SMYD3: variants seen among roughly 807,000 people sequenced by gnomAD.
SMYD3 encodes histone-lysine N-methyltransferase SMYD3.
SMYD3 carries 36 observed loss-of-function variants against 57.7 expected under a neutral mutation model. The ratio of observed to expected loss-of-function variants is 0.62; its 90% CI spans 0.48 to 0.82. The LOEUF (loss-of-function observed/expected upper bound fraction) is 0.82, where lower values mean the gene tolerates loss of function less well. Ranked by LOEUF, SMYD3 falls within the 40% of genes least tolerant of loss-of-function variation. SMYD3 has a pLI of 0.00. For synonymous variants in SMYD3, 211 were observed against 195.0 expected, an observed-to-expected ratio of 1.08 and a Z score of -0.68; for missense variants, 515 against 538.8, an observed-to-expected ratio of 0.96 and a Z score of 0.44.
At chr1:246,065,931 C>CCA (rs1240818729) in intron 5 of SMYD3, among the ~76,000 whole-genome samples, 3 of 152,164 alleles carry the variant, frequency 2.0e-5, no homozygotes, top group Non-Finnish European at 4.4e-5. Flanking sequence ...CTTCTTTAAT[C>CCA]CAAATTTTCA....
chr1:245,873,431 G>A (rs1269039555), intron 8 of SMYD3, among the ~76,000 whole-genome samples: 2 of 152,152 alleles, frequency 1.3e-5, no homozygotes, highest in African/African-American at 2.4e-5. Context: ...GCTACCAGGT[G>A]GGAGGTTTGA....
At chr1:246,098,223 CA>C (rs796259183) in intron 5 of SMYD3, among the ~76,000 whole-genome samples, 4 of 152,138 alleles carry the variant, frequency 2.6e-5, no homozygotes, top group Non-Finnish European at 4.4e-5. Flanking sequence ...GAATTAGCTC[CA>C]AAACTACTAA....
rs1433131832 is a variant in SMYD3 at position 246,427,507 on chromosome 1, G to A, written c.165-72413C>T. On this transcript the variant is annotated intron_variant, in intron 1 of 11. Transcript: ENST00000490107. ...TGCACTCCAGCCTGGGCGACAGAGC[G>A]AGACTCCGTCTCAAAAAAAAAAAAA... Among the ~76,000 whole-genome samples the A allele has an allele frequency of 4.5e-4, 59 of 130,812 alleles. 1 individual carries two copies. The highest frequency in any genetic ancestry group is 1.5e-3 in the African/African-American group (53 of 35,640). The allele number at this position is 130,812 out of a possible 152,430, so 85.8% of individuals were successfully genotyped here.
At chr1:245,978,948 CTGAGG>C (rs1558553577) in intron 5 of SMYD3, among the ~76,000 whole-genome samples, 1 of 152,002 alleles carries the variant, frequency 6.6e-6, no homozygotes, top group Non-Finnish European at 1.5e-5. Flanking sequence ...ACAGCCTAAT[CTGAGG>C]TATCTGTCCA....
intron 5 of SMYD3, among the ~76,000 whole-genome samples, chr1:246,155,277 T>A (rs2062005546): frequency 6.6e-6 from 1 of 152,184 alleles, no homozygotes; most frequent in African/African-American, 2.4e-5. Context: ...GAAAAAAATA[T>A]TGCTTAATCT....
chr1:246,447,304 C>T (rs531729310), intron 1 of SMYD3, among the ~76,000 whole-genome samples: 2 of 152,204 alleles, frequency 1.3e-5, no homozygotes, highest in South Asian at 2.1e-4. Flanking sequence ...CAATAACTTT[C>T]GGAACACTGT....
intron 5 of SMYD3, among the ~76,000 whole-genome samples, chr1:246,270,181 T>C (rs4654229): frequency 0.38 from 57,704 of 151,946 alleles, 11,567 homozygotes; most frequent in East Asian, 0.72. Context: ...AAACTATATA[T>C]AACATATTAT....
At chr1:246,109,376 C>T (rs1020811989) in intron 5 of SMYD3, among the ~76,000 whole-genome samples, 1 of 152,192 alleles carries the variant, frequency 6.6e-6, no homozygotes, top group African/African-American at 2.4e-5. Flanking sequence ...AGCCCTACAG[C>T]AGTCACTTCG....
In SMYD3 at chr1:246,360,373, T is replaced by C. The variant is rs146612296; in HGVS notation, c.165-5279A>G. The stretch of plus-strand genomic sequence containing the variant: ...AGAATCAATATTGTGAAAATGGCCA[T>C]ATTGCCAAAAGCAATCTACAAATTC... On this transcript the variant is annotated intron_variant, in intron 1 of 11. Transcript: ENST00000490107. 4.2e-3 allele frequency among the ~76,000 whole-genome samples: 639 copies of C among 152,122 alleles called. 2 individuals carry two copies. Among genetic ancestry groups the C allele is most frequent in the African/African-American group, 0.014 (564 of 41,484 alleles).
intron 5 of SMYD3, among the ~76,000 whole-genome samples, chr1:246,185,061 G>C (rs898287377): frequency 6.6e-6 from 1 of 152,032 alleles, no homozygotes; most frequent in African/African-American, 2.4e-5. Context: ...ACTTAATAAT[G>C]GTTTTAAAAA....
chr1:246,448,252 C>T (rs1572510488), intron 1 of SMYD3, among the ~76,000 whole-genome samples: 2 of 152,180 alleles, frequency 1.3e-5, no homozygotes, highest in Admixed American at 1.3e-4. Context: ...TACATGATCA[C>T]AATACATGAT....
intron 10 of SMYD3, among the ~76,000 whole-genome samples, chr1:245,847,842 T>C (rs2050743444): frequency 6.6e-6 from 1 of 152,204 alleles, no homozygotes; most frequent in Admixed American, 6.5e-5. Context: ...ATGGAAAATG[T>C]CTTATTCTGG....
intron 5 of SMYD3, among the ~76,000 whole-genome samples, chr1:246,255,319 TATA>T (rs926806252): frequency 2.0e-5 from 3 of 149,998 alleles, no homozygotes; most frequent in Non-Finnish European, 3.0e-5. Context: ...TGGATCTTAT[TATA>T]ATAATAATTA....
chr1:246,492,738 T>C (rs932434263), intron 1 of SMYD3, among the ~76,000 whole-genome samples: 54 of 152,206 alleles, frequency 3.5e-4, no homozygotes, highest in African/African-American at 1.3e-3. Context: ...CCACTACAAA[T>C]AGATGTTAAC....
At chr1:245,988,403 T>C (rs760658341) in intron 5 of SMYD3, 1 of 152,206 alleles carries the variant, frequency 6.6e-6, no homozygotes, top group East Asian at 1.9e-4. Flanking sequence ...CCTCAAAGAA[T>C]TGTTAAGAAT....
chr1:246,457,560 A>C (rs1446306646), intron 1 of SMYD3, among the ~76,000 whole-genome samples: 1 of 148,064 alleles, frequency 6.8e-6, no homozygotes, highest in Admixed American at 6.8e-5. Flanking sequence ...AAAAGAAAAG[A>C]AAAGAAAAGA....
chr1:246,231,409 A>C (rs2063407210), intron 5 of SMYD3, among the ~76,000 whole-genome samples: 1 of 152,204 alleles, frequency 6.6e-6, no homozygotes, highest in Non-Finnish European at 1.5e-5. Flanking sequence ...TATATGGAAG[A>C]GTATAATACA....
intron 5 of SMYD3, among the ~76,000 whole-genome samples, chr1:246,279,760 G>A (rs1346499280): frequency 6.6e-6 from 1 of 152,138 alleles, no homozygotes. Flanking sequence ...GAATTGCTCT[G>A]CCAGGGACAG....
chr1:246,448,454 C>A (rs2067579328), intron 1 of SMYD3, among the ~76,000 whole-genome samples: 1 of 151,988 alleles, frequency 6.6e-6, no homozygotes, highest in Non-Finnish European at 1.5e-5. Context: ...ATACCCATCC[C>A]CAACATATCT....
Sources: gnomAD v4.1 joint callset for allele counts (sites outside exome capture counted in the v4.1 genomes callset) on GRCh38, gnomAD v4.1.1 for gene constraint, MANE v1.5 for transcripts, NCBI Gene and HGNC (gene_info 2026-07-23, HGNC 2026-07-21) for gene names.